SLC30A4: variants seen among roughly 807,000 people sequenced by gnomAD.
SLC30A4 encodes the protein solute carrier family 30 member 4.
In SLC30A4, 20 loss-of-function variants were observed where a neutral mutation model predicts 41.7. The ratio of observed to expected loss-of-function variants is 0.48; its 90% CI spans 0.34 to 0.70. The LOEUF (loss-of-function observed/expected upper bound fraction) is 0.70. Ranked by LOEUF, SLC30A4 falls within the 30% of genes least tolerant of loss-of-function variation. SLC30A4 has a pLI of 0.01. For synonymous variants in SLC30A4, 181 were observed against 195.9 expected (o/e 0.92, Z 0.64); for missense variants, 441 against 529.3 (o/e 0.83, Z 1.64).
chr15:45,494,597 A>G (rs1891874458), intron 3 of SLC30A4, among the ~76,000 whole-genome samples: 1 of 152,150 alleles, frequency 6.6e-6, no homozygotes, highest in Admixed American at 6.5e-5. Context: ...AGGCACAAGA[A>G]TTGCTTAAAC....
intron 5 of SLC30A4, among the ~76,000 whole-genome samples, chr15:45,488,520 C>T (rs1176610369): frequency 6.6e-6 from 1 of 152,006 alleles, no homozygotes; most frequent in Non-Finnish European, 1.5e-5. Context: ...CTGCAGTAAG[C>T]CAAGATTGTG....
At chr15:45,495,232 G>C (rs1317132389) in intron 3 of SLC30A4, among the ~76,000 whole-genome samples, 1 of 151,988 alleles carries the variant, frequency 6.6e-6, no homozygotes, top group Non-Finnish European at 1.5e-5. Context: ...GATGTGCTTG[G>C]TTATGAAAAT....
At chr15:45,521,868 G>T in intron 2 of SLC30A4, 96 bp downstream of exon 2, 1 of 1,300,892 alleles carries the variant, frequency 7.7e-7, no homozygotes, top group Non-Finnish European at 1.1e-6. Flanking sequence ...CAAACTTCCT[G>T]AAAAGATGGG....
At chr15:45,505,734 T>G (rs1892143166) in intron 3 of SLC30A4, among the ~76,000 whole-genome samples, 1 of 152,138 alleles carries the variant, frequency 6.6e-6, no homozygotes, top group African/African-American at 2.4e-5. Flanking sequence ...AGAAGCAGGA[T>G]ATGAACATAT....
intron 2 of SLC30A4, 33 bp downstream of exon 2, chr15:45,521,931 G>A (rs759279380): frequency 5.6e-6 from 9 of 1,593,572 alleles, no homozygotes; most frequent in Non-Finnish European, 7.7e-6. Flanking sequence ...TCGAGGAAAG[G>A]TAAACGGAAA....
chr15:45,513,580 G>A (rs1892366363), intron 2 of SLC30A4: 1 of 151,790 alleles, frequency 6.6e-6, no homozygotes, highest in Non-Finnish European at 1.5e-5. Context: ...CAGAACTTTG[G>A]AAATTAGCCA....
chr15:45,490,621 A>G, intron 4 of SLC30A4, 107 bp downstream of exon 4: 1 of 689,384 alleles, frequency 1.5e-6, no homozygotes, highest in South Asian at 3.0e-5. Context: ...AATGAGTTAT[A>G]TCATTTTTAA....
intron 3 of SLC30A4, among the ~76,000 whole-genome samples, chr15:45,508,808 G>A (rs952575211): frequency 2.0e-5 from 3 of 152,134 alleles, no homozygotes; most frequent in South Asian, 2.1e-4. Context: ...CAGTTCTATT[G>A]TCTCTTATTT....
At chr15:45,516,697 C>T (rs941367142) in intron 2 of SLC30A4, among the ~76,000 whole-genome samples, 9 of 152,074 alleles carry the variant, frequency 5.9e-5, no homozygotes, top group Admixed American at 3.3e-4. Context: ...GTTGAAACTC[C>T]GTCTCTACTA....
chr15:45,495,385 G>A (rs1891890992), intron 3 of SLC30A4, among the ~76,000 whole-genome samples: 2 of 152,126 alleles, frequency 1.3e-5, no homozygotes, highest in Admixed American at 6.5e-5. Context: ...TCTCAAAACT[G>A]TTCTGGTTTG....
chr15:45,517,440 G>A (rs1226863826), intron 2 of SLC30A4, among the ~76,000 whole-genome samples: 9 of 131,406 alleles, frequency 6.8e-5, no homozygotes, highest in Non-Finnish European at 1.1e-4. Flanking sequence ...CACAACCTCC[G>A]CCTCCTAGGT....
At position 45,484,129 on chromosome 15, in the gene SLC30A4, TG is replaced by T. The variant is rs1352850877; in HGVS notation, c.*1033del. The T allele has an allele frequency of 6.6e-6, 1 of 152,620 alleles. No individual in the cohort carries two copies. Among genetic ancestry groups the T allele is most frequent in the Non-Finnish European group, 1.5e-5 (1 of 68,038 alleles). 9.5% of individuals were successfully genotyped at this position (152,620 alleles called of 1,614,324 possible). Reference sequence around the variant, plus strand: ...TCTGGATTAATGTTGTTGAACTATATGTGAAAGGTGGGAATTATAAACTGAA... The same window carrying T: ...TCTGGATTAATGTTGTTGAACTATATTGAAAGGTGGGAATTATAAACTGAA... On this transcript the variant is annotated 3_prime_UTR_variant, in exon 8 of 8. Coordinates refer to ENST00000261867, the MANE Select transcript of SLC30A4 (RefSeq NM_013309.6).
At chr15:45,487,506 G>T in intron 6 of SLC30A4, 21 bp downstream of exon 6, 1 of 1,111,554 alleles carries the variant, frequency 9.0e-7, no homozygotes, top group Non-Finnish European at 1.4e-6. Context: ...AACTCATAAT[G>T]AGGATATAGT....
At chr15:45,495,031 C>T (rs549016627) in intron 3 of SLC30A4, among the ~76,000 whole-genome samples, 1 of 151,950 alleles carries the variant, frequency 6.6e-6, no homozygotes, top group South Asian at 2.1e-4. Flanking sequence ...TATATGCCTG[C>T]TGTCCCAGCT....
At chr15:45,507,499 CTT>C (rs527747375) in intron 3 of SLC30A4, among the ~76,000 whole-genome samples, 19 of 136,450 alleles carry the variant, frequency 1.4e-4, no homozygotes, top group Non-Finnish European at 1.6e-4. Flanking sequence ...TTTCTTTTTC[CTT>C]TTTTTTTTTT....
chr15:45,522,537 C>G, intron 1 of SLC30A4, 69 bp from the exon 2 acceptor site: 1 of 598,568 alleles, frequency 1.7e-6, no homozygotes. Context: ...AAGCCGCTGG[C>G]GGCGGGTCGC....
chr15:45,486,382 GAT>G (rs1891706904), intron 7 of SLC30A4, among the ~76,000 whole-genome samples: 1 of 152,126 alleles, frequency 6.6e-6, no homozygotes, highest in Non-Finnish European at 1.5e-5. Flanking sequence ...ATCTCAAAGA[GAT>G]AGAAAATTAT....
Position 45,484,213 on chromosome 15 carries a change from A to G in SLC30A4, c.*950T>C, listed in dbSNP as rs1891656046. ...ACAGATGACCTGGAGTGGAGGCAGG[A>G]ACCAACGTACCACATTTTTTGTACA... On this transcript the variant is annotated 3_prime_UTR_variant, in exon 8 of 8. Transcript: ENST00000261867. 6.6e-6 allele frequency: 1 copy of G among 152,464 alleles called. No individual in the cohort carries two copies. The allele number at this position is 152,464 out of a possible 1,614,324, so 9.4% of individuals were successfully genotyped here. A position where few individuals can be genotyped will look rare whatever the true frequency, so the allele number is the denominator to read the frequency against.
At chr15:45,489,621 G>A (rs886679681) in intron 4 of SLC30A4, among the ~76,000 whole-genome samples, 2 of 111,970 alleles carry the variant, frequency 1.8e-5, no homozygotes, top group African/African-American at 7.0e-5. Context: ...GACTGTTGTG[G>A]GGTGGGGGGA....
Sources: gnomAD v4.1 joint callset for allele counts (sites outside exome capture counted in the v4.1 genomes callset) on GRCh38, gnomAD v4.1.1 for gene constraint, MANE v1.5 for transcripts, NCBI Gene and HGNC (gene_info 2026-07-23, HGNC 2026-07-21) for gene names.